Variants in TASP1 observed in about 807,000 individuals in gnomAD.
TASP1 encodes the protein threonine aspartase 1.
A neutral mutation model predicts 56.6 loss-of-function variants in TASP1; 16 were observed. That is an observed-to-expected ratio of 0.28 (90% CI 0.19 to 0.43). The LOEUF is 0.43. Among genes scored for constraint, TASP1 ranks in the 20% least tolerant of loss-of-function variants. The probability of loss-of-function intolerance (pLI) is 1.00; values close to 1 mark genes in which losing one functional copy is unlikely to be tolerated. For missense variants in TASP1, 393 were observed against 511.6 expected (o/e 0.77, Z 2.24); for synonymous variants, 179 against 184.2 (o/e 0.97, Z 0.23).
chr20:13,618,857 T>C (rs893810008), intron 4 of TASP1, among the ~76,000 whole-genome samples: 1 of 151,710 alleles, frequency 6.6e-6, no homozygotes, highest in Non-Finnish European at 1.5e-5. Context: ...ATGTAAAAGC[T>C]ATTCCTATCA....
the TASP1 span, among the ~76,000 whole-genome samples, chr20:13,322,830 G>C: frequency 6.6e-6 from 1 of 152,030 alleles, no homozygotes; most frequent in Non-Finnish European, 1.5e-5. Flanking sequence ...CTTGAAAACA[G>C]TCCTGGCAAA....
intron 13 of TASP1, among the ~76,000 whole-genome samples, chr20:13,396,421 T>TTA (rs1197224085): frequency 6.6e-6 from 1 of 152,154 alleles, no homozygotes; most frequent in Non-Finnish European, 1.5e-5. Context: ...TGTGTATATT[T>TTA]TATAGAATAA....
intron 11 of TASP1, among the ~76,000 whole-genome samples, chr20:13,461,173 C>T (rs2044038214): frequency 6.6e-6 from 1 of 152,166 alleles, no homozygotes. Context: ...ATGGCTCTCT[C>T]CATCACCTTT....
the TASP1 span, among the ~76,000 whole-genome samples, chr20:13,374,378 T>G: frequency 1.3e-5 from 2 of 151,440 alleles, no homozygotes; most frequent in Non-Finnish European, 2.9e-5. Context: ...GACAGAGTCT[T>G]GCTCTTTCGC....
chr20:13,579,008 G>A (rs988843983), intron 6 of TASP1, among the ~76,000 whole-genome samples: 5 of 152,118 alleles, frequency 3.3e-5, no homozygotes, highest in African/African-American at 7.2e-5. Context: ...TGGTAGATTC[G>A]TAGGTGAACT....
the TASP1 span, among the ~76,000 whole-genome samples, chr20:13,351,448 T>C: frequency 2.6e-5 from 4 of 152,186 alleles, no homozygotes; most frequent in East Asian, 1.9e-4. Context: ...GTGAGTGAAT[T>C]TGGGATACTA....
At chr20:13,440,754 T>C (rs570349592) in intron 11 of TASP1, among the ~76,000 whole-genome samples, 109 of 152,060 alleles carry the variant, frequency 7.2e-4, no homozygotes, top group Admixed American at 2.2e-3. Context: ...CCATGAGACA[T>C]TTTATTATCA....
the TASP1 span, among the ~76,000 whole-genome samples, chr20:13,293,022 C>T: frequency 6.6e-6 from 1 of 151,660 alleles, no homozygotes; most frequent in Non-Finnish European, 1.5e-5. Context: ...TGGTGAAACC[C>T]CCCCGTCTCT....
the TASP1 span, among the ~76,000 whole-genome samples, chr20:13,290,732 A>AT: frequency 3.8e-4 from 58 of 152,288 alleles, no homozygotes; most frequent in African/African-American, 1.4e-3. Context: ...GATGAAGAAG[A>AT]TTTTTTGAGT....
chr20:13,200,188 C>T, the TASP1 span, among the ~76,000 whole-genome samples: 3 of 151,976 alleles, frequency 2.0e-5, no homozygotes, highest in African/African-American at 7.2e-5. Context: ...GAGACATAAC[C>T]CATAGTGATT....
At chr20:13,270,771 G>C in the TASP1 span, 1 of 1,603,276 alleles carries the variant, frequency 6.2e-7, no homozygotes, top group Admixed American at 1.7e-5. Context: ...GAAGATGGGA[G>C]ATAACAAAAC....
At chr20:13,394,307 C>CAAAAAAAAAAAAAAAA (rs57418361) in intron 13 of TASP1, among the ~76,000 whole-genome samples, 28 of 42,948 alleles carry the variant, frequency 6.5e-4, no homozygotes, top group African/African-American at 2.1e-3. Flanking sequence ...CACTCCCTCT[C>CAAAAAAAAAAAAAAAA]AAAAAAAAAA....
At chr20:13,155,415 T>C in the TASP1 span, among the ~76,000 whole-genome samples, 1 of 152,166 alleles carries the variant, frequency 6.6e-6, no homozygotes, top group African/African-American at 2.4e-5. Flanking sequence ...TAAAAGAGGT[T>C]TGGGTCTTAC....
chr20:13,266,107 G>A, the TASP1 span, among the ~76,000 whole-genome samples: 69 of 152,156 alleles, frequency 4.5e-4, no homozygotes, highest in Admixed American at 4.5e-3. Flanking sequence ...TCCTCATGGG[G>A]CAGAATTGTG....
chr20:13,532,854 T>C (rs1601148431), intron 9 of TASP1, among the ~76,000 whole-genome samples: 1 of 152,154 alleles, frequency 6.6e-6, no homozygotes, highest in Non-Finnish European at 1.5e-5. Context: ...GACTTTCCTA[T>C]TGCAAACTTG....
At chr20:13,135,107 G>A in the TASP1 span, among the ~76,000 whole-genome samples, 1 of 152,210 alleles carries the variant, frequency 6.6e-6, no homozygotes, top group Non-Finnish European at 1.5e-5. Context: ...GTAGACATCT[G>A]ACAGAGATAC....
chr20:13,132,344 T>C, the TASP1 span, among the ~76,000 whole-genome samples: 1 of 151,716 alleles, frequency 6.6e-6, no homozygotes, highest in East Asian at 1.9e-4. Context: ...GCCCAGCTAA[T>C]TTTTGTATTT....
At chr20:13,558,110 T>C (rs564655250) in intron 8 of TASP1, among the ~76,000 whole-genome samples, 2 of 152,228 alleles carry the variant, frequency 1.3e-5, no homozygotes, top group South Asian at 2.1e-4. Flanking sequence ...AGATGATGTA[T>C]TGTGCATTCA....
the TASP1 span, among the ~76,000 whole-genome samples, chr20:13,161,958 A>G: frequency 6.6e-6 from 1 of 152,206 alleles, no homozygotes; most frequent in Non-Finnish European, 1.5e-5. Context: ...CAACTGAGCT[A>G]ACCAGATTTT....
Sources: gnomAD v4.1 joint callset for allele counts (sites outside exome capture counted in the v4.1 genomes callset) on GRCh38, gnomAD v4.1.1 for gene constraint, MANE v1.5 for transcripts, NCBI Gene and HGNC (gene_info 2026-07-23, HGNC 2026-07-21) for gene names.